Variants in SMARCAL1 observed in about 807,000 individuals in gnomAD.
The protein encoded by SMARCAL1 is SNF2 related chromatin remodeling annealing helicase 1, also known as ATP-driven annealing helicase.
A neutral mutation model predicts 94.5 loss-of-function variants in SMARCAL1; 58 were observed. The observed-to-expected ratio is 0.61, with a 90% CI of 0.50 to 0.76. The LOEUF is 0.76. Among genes scored for constraint, SMARCAL1 ranks in the 30% least tolerant of loss-of-function variants. SMARCAL1 has a pLI of 0.00. For missense variants in SMARCAL1, 1,051 were observed against 1,177.9 expected, an observed-to-expected ratio of 0.89 and a Z score of 1.58; for synonymous variants, 422 against 455.1, an observed-to-expected ratio of 0.93 and a Z score of 0.93.
At chr2:216,463,903 G>A (rs1030743269) in intron 12 of SMARCAL1, among the ~76,000 whole-genome samples, 7 of 152,260 alleles carry the variant, frequency 4.6e-5, no homozygotes, top group South Asian at 2.1e-4. Context: ...TTAGCTGGAC[G>A]TGGTGGCACA....
chr2:216,433,698 C>A (rs1181293563), intron 8 of SMARCAL1, among the ~76,000 whole-genome samples: 1 of 151,930 alleles, frequency 6.6e-6, no homozygotes, highest in Non-Finnish European at 1.5e-5. Context: ...GCTGTAAATC[C>A]AGGAATCAGA....
chr2:216,448,030 T>A (rs554495617), intron 11 of SMARCAL1, among the ~76,000 whole-genome samples: 139 of 152,334 alleles, frequency 9.1e-4, no homozygotes, highest in African/African-American at 3.1e-3. Flanking sequence ...ATTTTTTAAA[T>A]TTTTAAAAGA....
At chr2:216,453,597 C>T (rs1251344314) in intron 12 of SMARCAL1, among the ~76,000 whole-genome samples, 7 of 152,186 alleles carry the variant, frequency 4.6e-5, no homozygotes, top group East Asian at 1.9e-4. Flanking sequence ...GTCTTCCAGA[C>T]CCTGGCCAGC....
intron 4 of SMARCAL1, among the ~76,000 whole-genome samples, chr2:216,419,682 G>A (rs1693672166): frequency 6.6e-6 from 1 of 151,982 alleles, no homozygotes; most frequent in African/African-American, 2.4e-5. Context: ...TATTCATCCT[G>A]GCGAGCTTCC....
rs759854973 is a variant in SMARCAL1 at position 216,435,367 on chromosome 2, C to G, written c.1515C>G (p.Ser505Arg). 1.9e-6 allele frequency: 3 copies of G among 1,614,054 alleles called. No homozygotes were observed. Among genetic ancestry groups the G allele is most frequent in the Non-Finnish European group, 2.5e-6 (3 of 1,180,014 alleles). ...TCCTTCGGTGGCTGCCATCTCTGAGCCCAGATTGCATCAACGTCGTGGTGA... is the reference window on the plus strand; with the variant it reads ...TCCTTCGGTGGCTGCCATCTCTGAGGCCAGATTGCATCAACGTCGTGGTGA... ...QAFLRWLPSL[S>R]PDCINVVVTG... is the part of the protein sequence containing the mutation. Residue 505 changes from serine to arginine, a missense_variant, in exon 9 of 18, where the codon AGC (serine) becomes AGG (arginine). Ser to Arg is a moderately radical substitution (Grantham distance 110). Transcript: ENST00000357276.
chr2:216,465,443 G>A (rs1694811285), intron 13 of SMARCAL1, among the ~76,000 whole-genome samples: 1 of 152,096 alleles, frequency 6.6e-6, no homozygotes, highest in Non-Finnish European at 1.5e-5. Context: ...GTCAGGAATT[G>A]TCATCCATTA....
chr2:216,477,351 C>T (rs927956510), intron 16 of SMARCAL1, 142 bp downstream of exon 16: 9 of 724,876 alleles, frequency 1.2e-5, no homozygotes, highest in Admixed American at 1.0e-4. Context: ...GTGATGCCCT[C>T]CTGCTTTCAT....
intron 11 of SMARCAL1, among the ~76,000 whole-genome samples, chr2:216,448,287 A>G (rs1405756507): frequency 6.6e-6 from 1 of 151,956 alleles, no homozygotes; most frequent in Non-Finnish European, 1.5e-5. Flanking sequence ...GTCCCTCAAA[A>G]CTCTTCATGT....
At chr2:216,414,433 A>C in intron 2 of SMARCAL1, 1 of 421,692 alleles carries the variant, frequency 2.4e-6, no homozygotes, top group Non-Finnish European at 4.4e-6. Flanking sequence ...CTGGGATTAC[A>C]CCCGACCTGC....
intron 15 of SMARCAL1, among the ~76,000 whole-genome samples, chr2:216,476,777 T>C (rs1375239987): frequency 2.0e-5 from 3 of 152,142 alleles, no homozygotes; most frequent in Non-Finnish European, 4.4e-5. Flanking sequence ...CACCAGCCCC[T>C]CCCCATGCAG....
chr2:216,436,644 A>G (rs1423874090), intron 9 of SMARCAL1, among the ~76,000 whole-genome samples: 2 of 152,248 alleles, frequency 1.3e-5, no homozygotes, highest in East Asian at 1.9e-4. Context: ...TGTGGCTTTG[A>G]AAAGATGTCA....
intron 4 of SMARCAL1, among the ~76,000 whole-genome samples, chr2:216,417,266 G>A (rs547123985): frequency 5.3e-5 from 8 of 152,318 alleles, no homozygotes; most frequent in African/African-American, 1.9e-4. Flanking sequence ...GTGTACATTA[G>A]GCGATATCTT....
intron 13 of SMARCAL1, among the ~76,000 whole-genome samples, chr2:216,466,458 G>A (rs1201442141): frequency 6.6e-6 from 1 of 152,156 alleles, no homozygotes; most frequent in African/African-American, 2.4e-5. Context: ...GAGTCACACA[G>A]CTAGTAAGTG....
At chr2:216,426,023 G>A (rs186711427) in intron 6 of SMARCAL1, among the ~76,000 whole-genome samples, 26 of 152,218 alleles carry the variant, frequency 1.7e-4, no homozygotes, top group African/African-American at 5.1e-4. Flanking sequence ...CCCCATGGCC[G>A]GCTAATTTTT....
chr2:216,466,045 A>G (rs551048357), intron 13 of SMARCAL1, among the ~76,000 whole-genome samples: 20 of 152,270 alleles, frequency 1.3e-4, no homozygotes, highest in Middle Eastern at 3.4e-3. Context: ...CTTTTCTCCC[A>G]GAAACACATC....
chr2:216,456,139 A>T (rs1694561845), intron 12 of SMARCAL1, among the ~76,000 whole-genome samples: 1 of 150,734 alleles, frequency 6.6e-6, no homozygotes, highest in Admixed American at 6.6e-5. Context: ...GCAAGAAGAG[A>T]AGTTTAGAGA....
intron 11 of SMARCAL1, among the ~76,000 whole-genome samples, chr2:216,447,753 C>T (rs755589273): frequency 1.3e-5 from 2 of 152,204 alleles, no homozygotes; most frequent in Non-Finnish European, 2.9e-5. Flanking sequence ...AGTGCAGTGC[C>T]AATGGCGCAG....
chr2:216,432,506 C>A (rs1693986040), intron 7 of SMARCAL1, among the ~76,000 whole-genome samples: 1 of 152,142 alleles, frequency 6.6e-6, no homozygotes, highest in Non-Finnish European at 1.5e-5. Flanking sequence ...CACATTTTTC[C>A]TTTTTGGGCT....
intron 12 of SMARCAL1, among the ~76,000 whole-genome samples, chr2:216,461,829 C>CA (rs368442196): frequency 0.067 from 7,525 of 111,598 alleles, 373 homozygotes; most frequent in East Asian, 0.21. Flanking sequence ...GACCTTGTCT[C>CA]AAAAAAAAAA....
Sources: gnomAD v4.1 joint callset for allele counts (sites outside exome capture counted in the v4.1 genomes callset) on GRCh38, gnomAD v4.1.1 for gene constraint, MANE v1.5 for transcripts, NCBI Gene and HGNC (gene_info 2026-07-23, HGNC 2026-07-21) for gene names.